PRKCA: variants seen among roughly 807,000 people sequenced by gnomAD.
The protein encoded by PRKCA is protein kinase C alpha type.
PRKCA carries 27 observed loss-of-function variants against 87.0 expected under a neutral mutation model. The ratio of observed to expected loss-of-function variants is 0.31; its 90% CI spans 0.23 to 0.43. The LOEUF (loss-of-function observed/expected upper bound fraction) is 0.43. PRKCA is among the 20% of genes least tolerant of loss of function. PRKCA has a pLI of 1.00. For missense variants in PRKCA, 518 were observed against 852.3 expected (o/e 0.61, Z 4.88); for synonymous variants, 329 against 311.1 (o/e 1.06, Z -0.61).
intron 3 of PRKCA, among the ~76,000 whole-genome samples, chr17:66,584,192 A>T (rs1969527054): frequency 6.6e-6 from 1 of 151,838 alleles, no homozygotes; most frequent in Non-Finnish European, 1.5e-5. Context: ...GGTAGTTTTT[A>T]TTGTTTTGGT....
In PRKCA at chr17:66,789,245, G is replaced by A. The variant is rs567694622; in HGVS notation, c.1854+266G>A. On this transcript the variant is annotated intron_variant, in intron 16 of 16. Coordinates refer to ENST00000413366, the MANE Select transcript of PRKCA (RefSeq NM_002737.3). ...AGCTGGACAGCTGCAGAGCACCCCC[G>A]CACGACTAGGGAGTGAGGGCAGCTG... Among the ~76,000 whole-genome samples the A allele has an allele frequency of 2.0e-5, 3 of 152,314 alleles. No homozygotes were observed. The South Asian group carries it at 6.2e-4, about 32-fold the overall frequency.
intron 3 of PRKCA, among the ~76,000 whole-genome samples, chr17:66,542,305 C>A (rs1051980052): frequency 6.6e-6 from 1 of 152,098 alleles, no homozygotes; most frequent in Non-Finnish European, 1.5e-5. Flanking sequence ...GTGCTAGTTT[C>A]TGTGGACATA....
chr17:66,504,055 A>G (rs947979835), intron 3 of PRKCA, among the ~76,000 whole-genome samples: 1 of 152,182 alleles, frequency 6.6e-6, no homozygotes, highest in Admixed American at 6.5e-5. Flanking sequence ...GCCAGGCCAC[A>G]TTACTGAAGC....
intron 5 of PRKCA, among the ~76,000 whole-genome samples, chr17:66,674,026 C>T (rs966780266): frequency 1.3e-5 from 2 of 152,228 alleles, no homozygotes; most frequent in African/African-American, 2.4e-5. Flanking sequence ...TGTACTGCAA[C>T]CAAGAGCTGA....
In PRKCA at chr17:66,603,844, A is replaced by G. The variant is rs1014142070; in HGVS notation, c.289-37511A>G. Among the ~76,000 whole-genome samples the G allele has an allele frequency of 1.5e-4, 23 of 152,320 alleles. No individual in the cohort carries two copies. In the East Asian group the frequency reaches 4.4e-3, roughly 29 times the overall value. On this transcript the variant is annotated intron_variant, in intron 3 of 16. Transcript: ENST00000413366. ...AATCTGACTGCTCCAGACACCTCAC[A>G]TAAGCAGAATCATTCAGTATTTGTC...
intron 4 of PRKCA, among the ~76,000 whole-genome samples, chr17:66,643,321 C>T (rs7224072): frequency 0.62 from 94,870 of 151,928 alleles, 29,706 homozygotes; most frequent in African/African-American, 0.7. Context: ...CAGTTTTCTG[C>T]ATGAATGAGG....
At chr17:66,346,669 AT>A (rs1025432954) in intron 2 of PRKCA, among the ~76,000 whole-genome samples, 1 of 152,176 alleles carries the variant, frequency 6.6e-6, no homozygotes, top group African/African-American at 2.4e-5. Context: ...CTGGAAATCC[AT>A]TTTTATTTGA....
intron 2 of PRKCA, among the ~76,000 whole-genome samples, chr17:66,323,731 G>A (rs1388370518): frequency 6.6e-6 from 1 of 152,162 alleles, no homozygotes; most frequent in East Asian, 1.9e-4. Context: ...CCTGAGGCCA[G>A]GAGTTCGAGA....
chr17:66,480,223 A>G (rs1420150447), intron 2 of PRKCA, among the ~76,000 whole-genome samples: 1 of 152,012 alleles, frequency 6.6e-6, no homozygotes, highest in African/African-American at 2.4e-5. Context: ...GTTTTTCCCC[A>G]GTTGCTCTCC....
intron 8 of PRKCA, among the ~76,000 whole-genome samples, chr17:66,705,755 G>A (rs548125055): frequency 6.6e-5 from 10 of 152,144 alleles, no homozygotes; most frequent in South Asian, 2.1e-4. Context: ...AGACAGAGCC[G>A]ATGTCCACTG....
chr17:66,752,352 T>A (rs1329799389), intron 13 of PRKCA, among the ~76,000 whole-genome samples: 1 of 152,200 alleles, frequency 6.6e-6, no homozygotes, highest in Non-Finnish European at 1.5e-5. Context: ...CCCAGCACTT[T>A]GGGAGGCCGG....
rs762002113 is a variant in PRKCA, at chr17:66,641,365, G to A, written c.299G>A (p.Ser100Asn). The A allele has an allele frequency of 6.2e-7, 1 of 1,612,378 alleles. No individual in the cohort carries two copies. The highest frequency in any genetic ancestry group is 8.5e-7 in the Non-Finnish European group (1 of 1,178,990). ...DKGPDTDDPR[S>N]KHKFKIHTYG... Reference sequence around the variant, plus strand: ...TTCTTCTCCTCCCAGGACCCCAGGAGCAAGCACAAGTTCAAAATCCACACT... The same window carrying A: ...TTCTTCTCCTCCCAGGACCCCAGGAACAAGCACAAGTTCAAAATCCACACT... The change falls in exon 4 of 17, where the codon AGC becomes AAC. Residue 100 changes from serine to asparagine, a missense_variant. By Grantham distance (46) the Ser-to-Asn change is conservative. Coordinates refer to ENST00000413366, the MANE Select transcript of PRKCA (RefSeq NM_002737.3).
intron 3 of PRKCA, among the ~76,000 whole-genome samples, chr17:66,585,494 ATTTC>A (rs1969565525): frequency 6.6e-6 from 1 of 152,196 alleles, no homozygotes; most frequent in African/African-American, 2.4e-5. Flanking sequence ...TGCCTAAATA[ATTTC>A]TTTCTAGTTC....
intron 5 of PRKCA, among the ~76,000 whole-genome samples, chr17:66,660,308 T>G (rs747203145): frequency 6.6e-6 from 1 of 152,172 alleles, no homozygotes; most frequent in African/African-American, 2.4e-5. Flanking sequence ...TGTTTAGATG[T>G]TATCTTTAAT....
intron 2 of PRKCA, among the ~76,000 whole-genome samples, chr17:66,410,718 G>A (rs1354990764): frequency 6.6e-6 from 1 of 152,080 alleles, no homozygotes; most frequent in Non-Finnish European, 1.5e-5. Flanking sequence ...TGGGACTACA[G>A]GCATATACCA....
chr17:66,518,790 A>G (rs559957924), intron 3 of PRKCA, among the ~76,000 whole-genome samples: 5 of 152,346 alleles, frequency 3.3e-5, no homozygotes, highest in East Asian at 1.9e-4. Flanking sequence ...AACAGTTTCT[A>G]AAAAGCCTTT....
intron 2 of PRKCA, among the ~76,000 whole-genome samples, chr17:66,355,157 T>G (rs1907975268): frequency 6.6e-6 from 1 of 152,246 alleles, no homozygotes; most frequent in South Asian, 2.1e-4. Flanking sequence ...ATTTTCTCAT[T>G]GAACACATTT....
chr17:66,708,057 T>C (rs1973232420), intron 8 of PRKCA, among the ~76,000 whole-genome samples: 5 of 152,180 alleles, frequency 3.3e-5, no homozygotes, highest in Admixed American at 3.3e-4. Flanking sequence ...ATTTTGGTTT[T>C]AGTTTGTTTT....
rs750102450 is a variant in PRKCA, at chr17:66,541,434, A to G, written c.288+45151A>G. On this transcript the variant is annotated intron_variant, in intron 3 of 16. Coordinates refer to ENST00000413366, the MANE Select transcript of PRKCA (RefSeq NM_002737.3). ...ATTGTTTTTTTCCTCTGTTGCTTAT[A>G]TTGATTTCTGCGGCAAAGAGCAGTT... 2.0e-5 allele frequency among the ~76,000 whole-genome samples: 3 copies of G among 152,298 alleles called. No individual in the cohort carries two copies. In the East Asian group the frequency reaches 5.8e-4, roughly 29 times the overall value.
Sources: allele counts gnomAD v4.1 joint callset (sites outside exome capture counted in the v4.1 genomes callset), GRCh38; gene constraint gnomAD v4.1.1; transcripts MANE v1.5; gene names NCBI Gene and HGNC (gene_info 2026-07-23, HGNC 2026-07-21).